The following KHDRBS3 variants were observed in gnomAD, a reference collection of about 807,000 sequenced individuals.
KHDRBS3 encodes the protein KH domain-containing, RNA-binding, signal transduction-associated protein 3.
KHDRBS3 carries 23 observed loss-of-function variants against 45.6 expected under a neutral mutation model. The observed-to-expected ratio is 0.50, with a 90% CI of 0.36 to 0.72. The LOEUF is 0.72. KHDRBS3 is among the 30% of genes least tolerant of loss of function. The pLI, the probability that KHDRBS3 is intolerant of heterozygous loss-of-function variation, is 0.00. For missense variants in KHDRBS3, 352 were observed against 424.8 expected (o/e 0.83, Z 1.51); for synonymous variants, 162 against 156.5 (o/e 1.04, Z -0.26).
intron 7 of KHDRBS3, among the ~76,000 whole-genome samples, chr8:135,631,708 CT>C (rs770287700): frequency 3.3e-5 from 5 of 152,110 alleles, no homozygotes; most frequent in East Asian, 1.9e-4. Context: ...CGGGCAGGTC[CT>C]TTAGGAGGTA....
At chr8:135,585,255 C>T (rs1293061154) in intron 6 of KHDRBS3, among the ~76,000 whole-genome samples, 8 of 143,302 alleles carry the variant, frequency 5.6e-5, no homozygotes, top group South Asian at 2.2e-4. Flanking sequence ...AAAGAAAAAT[C>T]GTTTCTTTGT....
chr8:135,553,824 T>C (rs1826737869), intron 4 of KHDRBS3, among the ~76,000 whole-genome samples: 1 of 152,214 alleles, frequency 6.6e-6, no homozygotes, highest in South Asian at 2.1e-4. Flanking sequence ...TTTTCTGCTC[T>C]TTACAATTCA....
At chr8:135,502,027 A>G (rs1419265645) in intron 1 of KHDRBS3, among the ~76,000 whole-genome samples, 2 of 152,182 alleles carry the variant, frequency 1.3e-5, no homozygotes, top group African/African-American at 2.4e-5. Context: ...TAAAAAATAC[A>G]TATATTTTTA....
At chr8:135,638,361 C>T (rs1830907380) in intron 7 of KHDRBS3, among the ~76,000 whole-genome samples, 1 of 152,164 alleles carries the variant, frequency 6.6e-6, no homozygotes, top group South Asian at 2.1e-4. Context: ...TAGCACATCC[C>T]ACCTAATAGT....
chr8:135,561,502 G>C (rs1244595173), intron 5 of KHDRBS3, among the ~76,000 whole-genome samples: 12 of 151,264 alleles, frequency 7.9e-5, no homozygotes. Flanking sequence ...TCTCTGCTTG[G>C]TCCTTCCCTT....
intron 1 of KHDRBS3, among the ~76,000 whole-genome samples, chr8:135,464,024 G>A (rs965876708): frequency 7.9e-5 from 12 of 152,044 alleles, no homozygotes; most frequent in African/African-American, 2.7e-4. Context: ...TTTCAAATGA[G>A]GCCTCTAAGG....
chr8:135,645,057 A>G lies in KHDRBS3; in HGVS notation c.891-2A>G. The G allele has an allele frequency of 6.2e-7, 1 of 1,613,038 alleles. No individual in the cohort carries two copies. The stretch of plus-strand genomic sequence containing the variant: ...CCTTTGTTTTGTTTTGATCACTTGC[A>G]GTGGTGCTGATTACTATGATTACGG... On this transcript the variant is annotated splice_acceptor_variant, in intron 7 of 8. Coordinates refer to ENST00000355849, the MANE Select transcript of KHDRBS3 (RefSeq NM_006558.3). LOFTEE classifies it high-confidence loss of function.
chr8:135,567,347 T>G (rs185241338), intron 5 of KHDRBS3, among the ~76,000 whole-genome samples: 20 of 152,234 alleles, frequency 1.3e-4, no homozygotes, highest in African/African-American at 4.6e-4. Flanking sequence ...AGAAGAGAGA[T>G]TCCATCAGAC....
intron 4 of KHDRBS3, among the ~76,000 whole-genome samples, chr8:135,550,457 C>G (rs73373327): frequency 6.6e-6 from 1 of 151,906 alleles, no homozygotes; most frequent in African/African-American, 2.4e-5. Context: ...TATCAGTTGT[C>G]CTAGCACCAT....
intron 2 of KHDRBS3, 113 bp from the exon 3 acceptor site, chr8:135,542,541 A>G (rs1315956329): frequency 4.4e-6 from 3 of 685,554 alleles, no homozygotes; most frequent in Non-Finnish European, 7.9e-6. Context: ...AGGAGCTTAA[A>G]TATTTGCCAT....
At position 135,548,909 on chromosome 8, in the gene KHDRBS3, C is replaced by CG. The variant is rs755196649; in HGVS notation, c.471+9_471+10insG. The CG allele has an allele frequency of 5.4e-5, 84 of 1,556,766 alleles. No individual in the cohort carries two copies. The East Asian group carries it at 1.9e-3, about 35-fold the overall frequency. ...AAAAGTTCCTCATCCCTGTTAGTACCATTTTTCTTGATAGTTAACTTGTAC... is the reference window on the plus strand; with the variant it reads ...AAAAGTTCCTCATCCCTGTTAGTACCGATTTTTCTTGATAGTTAACTTGTAC... On this transcript the variant is annotated intron_variant, in intron 4 of 8. Coordinates refer to ENST00000355849, the MANE Select transcript of KHDRBS3 (RefSeq NM_006558.3).
At position 135,557,584 on chromosome 8, in the gene KHDRBS3, C is replaced by G. The variant is rs759554527; in HGVS notation, c.608C>G (p.Thr203Ser). ...RTRGVPAPAI[T>S]RGRGGVTARP... The stretch of plus-strand genomic sequence containing the variant: ...AGAGGTGTACCAGCCCCAGCAATAA[C>G]CAGGTAGGTGTAAATTTTTTTTTAG... The change falls in exon 5 of 9, where the codon ACC becomes AGC. Residue 203 changes from threonine to serine, a missense_variant. Thr to Ser is a moderately conservative substitution (Grantham distance 58). Around this residue, in one of 6 missense-constraint regions of KHDRBS3, gnomAD observed 212 missense variants for 209.6 expected, o/e 1.01. Transcript: ENST00000355849. 1 of 1,609,776 alleles carries G rather than the reference C, an allele frequency of 6.2e-7. No homozygotes were observed. Among genetic ancestry groups the G allele is most frequent in the Non-Finnish European group, 8.5e-7 (1 of 1,177,896 alleles).
intron 7 of KHDRBS3, among the ~76,000 whole-genome samples, chr8:135,616,301 G>C (rs895946022): frequency 4.6e-5 from 7 of 152,072 alleles, no homozygotes; most frequent in African/African-American, 2.4e-5. Flanking sequence ...ACATTCTTTT[G>C]CCTAACTCAA....
chr8:135,517,258 A>G (rs985615207), intron 1 of KHDRBS3, among the ~76,000 whole-genome samples: 3 of 152,174 alleles, frequency 2.0e-5, no homozygotes, highest in African/African-American at 7.2e-5. Context: ...TTTGGTACCA[A>G]ATGTAATCTG....
At chr8:135,630,531 G>A (rs930915588) in intron 7 of KHDRBS3, among the ~76,000 whole-genome samples, 1 of 93,720 alleles carries the variant, frequency 1.1e-5, no homozygotes, top group African/African-American at 3.7e-5. Context: ...TAACAATTGG[G>A]ATACATTCTG....
intron 1 of KHDRBS3, among the ~76,000 whole-genome samples, chr8:135,518,888 A>T (rs998271684): frequency 1.3e-5 from 2 of 152,218 alleles, no homozygotes; most frequent in African/African-American, 2.4e-5. Context: ...CCTTAAAAAA[A>T]TTTTATATCC....
intron 2 of KHDRBS3, among the ~76,000 whole-genome samples, chr8:135,527,195 C>T (rs1825235510): frequency 6.6e-6 from 1 of 152,152 alleles, no homozygotes; most frequent in Non-Finnish European, 1.5e-5. Context: ...GTGGTTAAGT[C>T]ATGGTCTTTG....
At chr8:135,469,530 T>G (rs1254836322) in intron 1 of KHDRBS3, among the ~76,000 whole-genome samples, 223 of 37,950 alleles carry the variant, frequency 5.9e-3, no homozygotes, top group African/African-American at 0.017. Flanking sequence ...TTGGTTTTTT[T>G]TTTTTTTTTT....
At chr8:135,548,965 T>C in intron 4 of KHDRBS3, 65 bp downstream of exon 4, 1 of 1,173,696 alleles carries the variant, frequency 8.5e-7, no homozygotes, top group Non-Finnish European at 1.2e-6. Context: ...CCTTGATACT[T>C]CTTGTCTGTA....
Sources: gnomAD v4.1 joint callset for allele counts (sites outside exome capture counted in the v4.1 genomes callset) on GRCh38, gnomAD v4.1.1 for gene constraint, gnomAD v4.1.1 regional missense constraint, MANE v1.5 for transcripts, NCBI Gene and HGNC (gene_info 2026-07-23, HGNC 2026-07-21) for gene names.